Variants in TNKS observed in about 807,000 individuals in gnomAD.
TNKS encodes the protein tankyrase.
A neutral mutation model predicts 135.8 loss-of-function variants in TNKS; 72 were observed. The observed-to-expected ratio is 0.53, with a 90% confidence interval of 0.44 to 0.64. The LOEUF (loss-of-function observed/expected upper bound fraction) is 0.64, where lower values mean the gene tolerates loss of function less well. TNKS is among the 30% of genes least tolerant of loss of function. The pLI, the probability that TNKS is intolerant of heterozygous loss-of-function variation, is 0.00. For missense variants in TNKS, 1,769 were observed against 1,674.0 expected, an observed-to-expected ratio of 1.06 and a Z score of -0.99; for synonymous variants, 849 against 649.3, an observed-to-expected ratio of 1.31 and a Z score of -4.68.
chr8:9,631,997 C>T (rs1800310615), intron 3 of TNKS, among the ~76,000 whole-genome samples: 1 of 152,088 alleles, frequency 6.6e-6, no homozygotes, highest in Non-Finnish European at 1.5e-5. Context: ...TTTGACAAAG[C>T]TTTCAGCAGA....
At chr8:9,622,207 T>G (rs759987360) in intron 3 of TNKS, among the ~76,000 whole-genome samples, 20 of 152,216 alleles carry the variant, frequency 1.3e-4, no homozygotes, top group Non-Finnish European at 2.5e-4. Context: ...AATTTCAATT[T>G]TCAAGTGTTG....
At chr8:9,637,774 T>C (rs1800568350) in intron 3 of TNKS, among the ~76,000 whole-genome samples, 1 of 152,128 alleles carries the variant, frequency 6.6e-6, no homozygotes, top group Non-Finnish European at 1.5e-5. Context: ...GAAATATTAA[T>C]GATGCTTTAT....
chr8:9,746,538 T>C (rs2128825503), intron 17 of TNKS, among the ~76,000 whole-genome samples: 1 of 152,338 alleles, frequency 6.6e-6, no homozygotes, highest in South Asian at 2.1e-4. Flanking sequence ...CACTCTCCTT[T>C]TCCAAAATAT....
At chr8:9,650,679 T>G (rs1801115860) in intron 3 of TNKS, among the ~76,000 whole-genome samples, 3 of 152,182 alleles carry the variant, frequency 2.0e-5, no homozygotes, top group Admixed American at 1.3e-4. Context: ...TTTCTTGCTT[T>G]GTTTGAGTTC....
chr8:9,649,578 G>A (rs1182560599), intron 3 of TNKS, among the ~76,000 whole-genome samples: 1 of 152,080 alleles, frequency 6.6e-6, no homozygotes. Flanking sequence ...TGTTACCCGA[G>A]CAGTGTACAG....
At chr8:9,649,542 G>A (rs975870010) in intron 3 of TNKS, among the ~76,000 whole-genome samples, 1 of 152,048 alleles carries the variant, frequency 6.6e-6, no homozygotes, top group African/African-American at 2.4e-5. Context: ...GTTCTTTAGT[G>A]GTAATTTCTG....
At chr8:9,751,446 A>C (rs1338711502) in intron 18 of TNKS, among the ~76,000 whole-genome samples, 163 bp from the exon 19 acceptor site, 1 of 152,178 alleles carries the variant, frequency 6.6e-6, no homozygotes, top group African/African-American at 2.4e-5. Context: ...AACTATTGAA[A>C]CTCTTTGGAG....
intron 2 of TNKS, among the ~76,000 whole-genome samples, chr8:9,585,642 T>C (rs1022379688): frequency 1.3e-5 from 2 of 152,222 alleles, no homozygotes; most frequent in Admixed American, 6.5e-5. Flanking sequence ...GTAATTTCCT[T>C]GATAAAGAAC....
chr8:9,657,309 C>T lies in TNKS; in HGVS notation c.995-22642C>T, dbSNP rs1167868620. Among the ~76,000 whole-genome samples the T allele has an allele frequency of 1.5e-3, 106 of 71,712 alleles. 1 individual carries two copies. Among genetic ancestry groups the T allele is most frequent in the African/African-American group, 5.4e-3 (105 of 19,402 alleles). The allele number at this position is 71,712 out of a possible 152,430, so 47.0% of individuals were successfully genotyped here. ...TGGCCGGGCGGGGGGCCGACCCCCC[C>T]ACCTCCCTCCCAGACGGGGCGGCTG... On this transcript the variant is annotated intron_variant, in intron 3 of 26. Transcript: ENST00000310430.
chr8:9,700,561 C>G (rs1450433135), intron 5 of TNKS, among the ~76,000 whole-genome samples: 1 of 152,088 alleles, frequency 6.6e-6, no homozygotes, highest in African/African-American at 2.4e-5. Context: ...TCAGTAAACC[C>G]AGACCTCACA....
intron 17 of TNKS, chr8:9,741,161 G>A (rs1805939673): frequency 6.6e-6 from 1 of 152,278 alleles, no homozygotes; most frequent in Non-Finnish European, 1.5e-5. Flanking sequence ...TATATCATTT[G>A]GAGACAAATT....
intron 13 of TNKS, among the ~76,000 whole-genome samples, chr8:9,728,064 C>G (rs1293671312): frequency 6.6e-6 from 1 of 152,238 alleles, no homozygotes. Flanking sequence ...TTAATACATA[C>G]TTTATTTTTA....
In TNKS at chr8:9,776,985, C is replaced by G; in HGVS notation, c.*249C>G. 1 of 456,064 alleles carries G rather than the reference C, an allele frequency of 2.2e-6. No individual in the cohort carries two copies. Among genetic ancestry groups the G allele is most frequent in the Non-Finnish European group, 3.9e-6 (1 of 255,104 alleles). 28.3% of individuals were successfully genotyped at this position (456,064 alleles called of 1,614,324 possible). A position where few individuals can be genotyped will look rare whatever the true frequency, so the allele number is the denominator to read the frequency against. On this transcript the variant is annotated 3_prime_UTR_variant, in exon 27 of 27. Coordinates refer to ENST00000310430, the MANE Select transcript of TNKS (RefSeq NM_003747.3). ...ACATATCTCAGGCTCATTTTCATTG[C>G]AATTATCCATTTCTAAAACAAGATT...
chr8:9,656,964 A>G (rs1360775582), intron 3 of TNKS, among the ~76,000 whole-genome samples: 1 of 129,044 alleles, frequency 7.7e-6, no homozygotes, highest in African/African-American at 3.0e-5. Context: ...CAGGATCCCA[A>G]GGCAGAGGAA....
chr8:9,677,269 G>T (rs765418442), intron 3 of TNKS, among the ~76,000 whole-genome samples: 23 of 152,194 alleles, frequency 1.5e-4, no homozygotes, highest in Admixed American at 1.2e-3. Context: ...GTCTGACTCT[G>T]TTGGATGCAC....
At chr8:9,702,034 C>T (rs1277791748) in intron 5 of TNKS, among the ~76,000 whole-genome samples, 1 of 152,174 alleles carries the variant, frequency 6.6e-6, no homozygotes, top group Non-Finnish European at 1.5e-5. Context: ...TGGGTGTCAT[C>T]AAAGGACAAT....
chr8:9,763,401 T>C (rs533767305), intron 22 of TNKS, among the ~76,000 whole-genome samples, 157 bp downstream of exon 22: 1 of 152,362 alleles, frequency 6.6e-6, no homozygotes, highest in South Asian at 2.1e-4. Flanking sequence ...AATTAAAATA[T>C]GACGGCGCCC....
intron 5 of TNKS, among the ~76,000 whole-genome samples, chr8:9,692,988 T>C (rs908930803): frequency 4.6e-5 from 7 of 152,236 alleles, no homozygotes; most frequent in African/African-American, 1.4e-4. Context: ...AGCTCGTTGC[T>C]TCTTAGTTTC....
chr8:9,612,823 C>A (rs1198218225), intron 2 of TNKS, among the ~76,000 whole-genome samples: 1 of 146,290 alleles, frequency 6.8e-6, no homozygotes, highest in African/African-American at 2.6e-5. Flanking sequence ...GACCAGAAGC[C>A]TTTTCGATAA....
Sources: gnomAD v4.1 joint callset for allele counts (sites outside exome capture counted in the v4.1 genomes callset) on GRCh38, gnomAD v4.1.1 for gene constraint, MANE v1.5 for transcripts, NCBI Gene and HGNC (gene_info 2026-07-23, HGNC 2026-07-21) for gene names.